The following PADI1 variants were observed in gnomAD, a reference collection of about 807,000 sequenced individuals.
The protein encoded by PADI1 is protein-arginine deiminase type-1.
PADI1 carries 65 observed loss-of-function variants against 74.8 expected under a neutral mutation model. The observed-to-expected ratio is 0.87, with a 90% CI of 0.71 to 1.07. The LOEUF (loss-of-function observed/expected upper bound fraction) is 1.07, where lower values mean the gene tolerates loss of function less well. PADI1 is among the 50% of genes least tolerant of loss of function. The pLI is 0.00. For missense variants in PADI1, 943 were observed against 854.0 expected, an observed-to-expected ratio of 1.10 and a Z score of -1.30; for synonymous variants, 371 against 336.2, an observed-to-expected ratio of 1.10 and a Z score of -1.13.
intron 1 of PADI1, among the ~76,000 whole-genome samples, chr1:17,212,338 A>G (rs1430145545): frequency 1.3e-5 from 2 of 152,062 alleles, no homozygotes; most frequent in African/African-American, 4.8e-5. Flanking sequence ...CCTGCTCTTC[A>G]GCCTTTTCGT....
Position 17,228,671 on chromosome 1 carries a change from T to C in PADI1, c.699T>C (p.Cys233=). 7 of 1,614,196 alleles carry C rather than the reference T, an allele frequency of 4.3e-6. No homozygotes were observed. Among genetic ancestry groups the C allele is most frequent in the Non-Finnish European group, 5.9e-6 (7 of 1,180,026 alleles). ...SDYKQVLGPQ[C]LSYEVERQPG... is the part of the protein sequence containing the mutation. ...ACAAACAGGTGCTGGGGCCCCAGTG[T>C]CTGTCCTATGAAGTTGAGCGACAGC... The change falls in exon 7 of 16, where the codon TGT becomes TGC. Residue 233 remains cysteine (C), a synonymous_variant. Coordinates refer to ENST00000375471, the MANE Select transcript of PADI1 (RefSeq NM_013358.3).
At chr1:17,212,848 C>T (rs1044899319) in intron 1 of PADI1, among the ~76,000 whole-genome samples, 2 of 152,182 alleles carry the variant, frequency 1.3e-5, no homozygotes, top group African/African-American at 4.8e-5. Context: ...AGGCACCACC[C>T]CCCTCGCCTT....
Position 17,238,714 on chromosome 1 carries a change from G to T in PADI1, c.1552+5G>T. 1.4e-6 allele frequency: 2 copies of T among 1,476,568 alleles called. No homozygotes were observed. Among genetic ancestry groups the T allele is most frequent in the South Asian group, 2.6e-5 (2 of 76,442 alleles). 91.5% of individuals were successfully genotyped at this position (1,476,568 alleles called of 1,614,324 possible). A position where few individuals can be genotyped will look rare whatever the true frequency, so the allele number is the denominator to read the frequency against. On this transcript the variant is annotated splice_donor_5th_base_variant and intron_variant, in intron 13 of 15. Transcript: ENST00000375471. ...GGGAGGCAGCCCAGTTTGATGGTGAGTGCCAATGACCCGGTCACCCCTGGG... is the reference window on the plus strand; with the variant it reads ...GGGAGGCAGCCCAGTTTGATGGTGATTGCCAATGACCCGGTCACCCCTGGG...
At chr1:17,209,161 G>T (rs16823615) in intron 1 of PADI1, among the ~76,000 whole-genome samples, 3,591 of 152,246 alleles carry the variant, frequency 0.024, 158 homozygotes, top group African/African-American at 0.08. Context: ...CTTTTAACTC[G>T]CACAGAAGAA....
In PADI1 at chr1:17,222,488, C is replaced by T. The variant is rs1184709483; in HGVS notation, c.273+18C>T. 6.3e-7 allele frequency: 1 copy of T among 1,597,838 alleles called. No homozygotes were observed. The highest frequency in any genetic ancestry group is 1.7e-5 in the Admixed American group (1 of 59,904). The stretch of plus-strand genomic sequence containing the variant: ...ACTTCAAGGTAAGAGGCCACTTTCT[C>T]ATAGAAAAGGGTTGGATCTCTCCAC... On this transcript the variant is annotated intron_variant, in intron 2 of 15. Transcript: ENST00000375471.
At chr1:17,219,052 C>T (rs1054379011) in intron 1 of PADI1, among the ~76,000 whole-genome samples, 8 of 152,182 alleles carry the variant, frequency 5.3e-5, no homozygotes, top group South Asian at 2.1e-4. Flanking sequence ...TGTAGGAGCA[C>T]GAGCATGTCA....
At position 17,240,687 on chromosome 1, in the gene PADI1, A is replaced by C. The variant is rs755728266; in HGVS notation, c.1685A>C (p.Glu562Ala). The C allele has an allele frequency of 1.2e-6, 2 of 1,614,080 alleles. No individual in the cohort carries two copies. Among genetic ancestry groups the C allele is most frequent in the African/African-American group, 2.7e-5 (2 of 74,948 alleles). Residue 562 changes from glutamate (E) to alanine (A), a missense_variant, in exon 15 of 16, where the codon GAG (glutamate) becomes GCG (alanine). Physicochemically the swap from Glu to Ala is moderately radical, Grantham distance 107. Coordinates refer to ENST00000375471, the MANE Select transcript of PADI1 (RefSeq NM_013358.3). ...NVLKRELGLA[E>A]SDIVDIPQLF... ...CTGAAGCGGGAGCTGGGCCTGGCAG[A>C]GAGTGACATCGTGGACATTCCCCAG...
At chr1:17,228,829 G>A in intron 7 of PADI1, 32 bp downstream of exon 7, 1 of 1,610,314 alleles carries the variant, frequency 6.2e-7, no homozygotes, top group Non-Finnish European at 8.5e-7. Context: ...GGCCAAGGAG[G>A]CTGAGGGGTT....
chr1:17,211,561 C>G (rs1402539361), intron 1 of PADI1, among the ~76,000 whole-genome samples: 1 of 152,194 alleles, frequency 6.6e-6, no homozygotes, highest in Non-Finnish European at 1.5e-5. Context: ...CACGCGGAGA[C>G]ACAGAGAGGT....
At chr1:17,220,787 G>T (rs2072125909) in intron 1 of PADI1, among the ~76,000 whole-genome samples, 1 of 152,252 alleles carries the variant, frequency 6.6e-6, no homozygotes. Context: ...CTGGGGATTA[G>T]TGCAGTGCCT....
Position 17,244,039 on chromosome 1 carries a change from G to A in PADI1, c.1788G>A (p.Leu596=), listed in dbSNP as rs892305220. The A allele has an allele frequency of 1.2e-6, 2 of 1,613,948 alleles. No homozygotes were observed. The highest frequency in any genetic ancestry group is 8.5e-7 in the Non-Finnish European group (1 of 1,179,970). Residue 596 remains leucine (L), a synonymous_variant, in exon 16 of 16, where the codon CTG becomes CTA. Coordinates refer to ENST00000375471, the MANE Select transcript of PADI1 (RefSeq NM_013358.3). ...ACATGGTGGTCTTAGGCAAGTACCT[G>A]GGCATCCCCAAGCCCTACGGGCCCA... The part of the protein sequence containing the change: ...MVNMVVLGKY[L]GIPKPYGPII...
Position 17,230,637 on chromosome 1 carries a change from C to A in PADI1, c.1119C>A (p.Pro373=), listed in dbSNP as rs750316585. 5 of 1,611,880 alleles carry A rather than the reference C, an allele frequency of 3.1e-6. No individual in the cohort carries two copies. The highest frequency in any genetic ancestry group is 4.2e-6 in the Non-Finnish European group (5 of 1,178,316). The change falls in exon 10 of 16, where the codon CCC becomes CCA. Residue 373 remains proline (P), a synonymous_variant. Coordinates refer to ENST00000375471, the MANE Select transcript of PADI1 (RefSeq NM_013358.3). ...CCTTCCCCGTGGTCTTTGACTCCCC[C>A]AGGAACAGGGGCCTGAAAGATTTCC... ...HKSFPVVFDS[P]RNRGLKDFPY... is the part of the protein sequence containing the mutation.
intron 1 of PADI1, among the ~76,000 whole-genome samples, chr1:17,217,212 C>A (rs375393387): frequency 2.6e-5 from 4 of 152,158 alleles, no homozygotes; most frequent in African/African-American, 9.7e-5. Context: ...CGGAACCACA[C>A]ATGGGCTCAG....
chr1:17,231,156 C>T (rs963683938), intron 10 of PADI1, among the ~76,000 whole-genome samples: 15 of 152,148 alleles, frequency 9.9e-5, no homozygotes, highest in South Asian at 2.1e-4. Flanking sequence ...CAGCACCCAC[C>T]GTTACTTATT....
chr1:17,229,103 G>A (rs2072413600), intron 8 of PADI1, 52 bp downstream of exon 8: 1 of 1,145,768 alleles, frequency 8.7e-7, no homozygotes, highest in African/African-American at 1.5e-5. Context: ...CAGAGGTAGG[G>A]ACAGAAGCTG....
At chr1:17,214,567 G>A (rs1286448430) in intron 1 of PADI1, among the ~76,000 whole-genome samples, 1 of 152,168 alleles carries the variant, frequency 6.6e-6, no homozygotes, top group East Asian at 1.9e-4. Flanking sequence ...CTGCATATCT[G>A]GGGGTTGGTT....
intron 1 of PADI1, among the ~76,000 whole-genome samples, chr1:17,217,900 C>T (rs982981076): frequency 5.3e-5 from 8 of 152,204 alleles, no homozygotes; most frequent in African/African-American, 1.7e-4. Context: ...GCGTCTATAG[C>T]CATGACATTG....
chr1:17,235,293 G>GGAAGGAGGGAAGGAAGGAA (rs1557479110), intron 11 of PADI1, among the ~76,000 whole-genome samples: 1 of 62,828 alleles, frequency 1.6e-5, no homozygotes, highest in Middle Eastern at 8.3e-3. Flanking sequence ...GAAGGAAGGA[G>GGAAGGAGGGAAGGAAGGAA]GGAAGGAAGG....
At chr1:17,224,230 T>G in intron 3 of PADI1, 137 bp from the exon 4 acceptor site, 1 of 712,504 alleles carries the variant, frequency 1.4e-6, no homozygotes, top group South Asian at 1.7e-5. Flanking sequence ...GTCTCCCAAG[T>G]GTGGGGTCTG....
Sources: allele counts gnomAD v4.1 joint callset (sites outside exome capture counted in the v4.1 genomes callset), GRCh38; gene constraint gnomAD v4.1.1; transcripts MANE v1.5; gene names NCBI Gene and HGNC (gene_info 2026-07-23, HGNC 2026-07-21).